The following SLC1A1 variants were observed in gnomAD, a reference collection of about 807,000 sequenced individuals.
SLC1A1 encodes the protein solute carrier family 1 member 1.
SLC1A1 carries 43 observed loss-of-function variants against 53.3 expected under a neutral mutation model. That is an observed-to-expected ratio of 0.81 (90% CI 0.63 to 1.04). The LOEUF (loss-of-function observed/expected upper bound fraction) is 1.04, where lower values mean the gene tolerates loss of function less well. Ranked by LOEUF, SLC1A1 falls within the 50% of genes least tolerant of loss-of-function variation. The pLI is 0.00. For missense variants in SLC1A1, 748 were observed against 664.9 expected, an observed-to-expected ratio of 1.12 and a Z score of -1.37; for synonymous variants, 307 against 243.2, an observed-to-expected ratio of 1.26 and a Z score of -2.44.
chr9:4,506,671 G>A (rs902164941), intron 1 of SLC1A1, among the ~76,000 whole-genome samples: 2 of 152,134 alleles, frequency 1.3e-5, no homozygotes, highest in African/African-American at 4.8e-5. Context: ...GTGAAAGACT[G>A]GACTTACTGC....
At chr9:4,574,132 G>A in intron 8 of SLC1A1, 118 bp downstream of exon 8, 1 of 763,952 alleles carries the variant, frequency 1.3e-6, no homozygotes, top group Non-Finnish European at 2.4e-6. Flanking sequence ...GGAAAGATAG[G>A]GTTCAGAGAT....
intron 1 of SLC1A1, among the ~76,000 whole-genome samples, chr9:4,496,534 TTTTG>T (rs1205767212): frequency 1.1e-4 from 17 of 150,722 alleles, no homozygotes; most frequent in Admixed American, 8.5e-4. Context: ...TTTGTTTTGT[TTTTG>T]TTTGTTTTTT....
At chr9:4,584,643 C>T (rs1301127722) in intron 11 of SLC1A1, among the ~76,000 whole-genome samples, 1 of 152,180 alleles carries the variant, frequency 6.6e-6, no homozygotes, top group Non-Finnish European at 1.5e-5. Flanking sequence ...CAAAATGGAT[C>T]CTCTCCTCTG....
At chr9:4,568,896 T>A (rs57024240) in intron 6 of SLC1A1, among the ~76,000 whole-genome samples, 189 of 152,210 alleles carry the variant, frequency 1.2e-3, no homozygotes, top group African/African-American at 4.0e-3. Flanking sequence ...AAGGTGTCTT[T>A]AAAAGAAACA....
intron 8 of SLC1A1, among the ~76,000 whole-genome samples, chr9:4,574,479 G>T (rs79150443): frequency 6.6e-6 from 1 of 152,138 alleles, no homozygotes; most frequent in African/African-American, 2.4e-5. Context: ...TGTTGCTGGG[G>T]CTGTTAACCA....
intron 1 of SLC1A1, among the ~76,000 whole-genome samples, chr9:4,532,492 G>T (rs1313638438): frequency 6.6e-6 from 1 of 152,152 alleles, no homozygotes; most frequent in Non-Finnish European, 1.5e-5. Flanking sequence ...ATGAAATGAA[G>T]TGAGAAGAGA....
At chr9:4,557,695 A>G (rs1818549238) in intron 2 of SLC1A1, among the ~76,000 whole-genome samples, 1 of 152,188 alleles carries the variant, frequency 6.6e-6, no homozygotes, top group Non-Finnish European at 1.5e-5. Context: ...GCCACTTTCC[A>G]AGTGCTTGCT....
At chr9:4,573,783 C>A in intron 7 of SLC1A1, 124 bp from the exon 8 acceptor site, 1 of 768,210 alleles carries the variant, frequency 1.3e-6, no homozygotes, top group Non-Finnish European at 2.4e-6. Flanking sequence ...AATTCCCATC[C>A]TGTGCTCCAC....
chr9:4,582,981 G>A, intron 10 of SLC1A1, 57 bp from the exon 11 acceptor site: 1 of 1,611,120 alleles, frequency 6.2e-7, no homozygotes, highest in Non-Finnish European at 8.5e-7. Flanking sequence ...TTTCAGGCCA[G>A]GGCTTTAACG....
chr9:4,507,548 GA>G (rs1353222058), intron 1 of SLC1A1, among the ~76,000 whole-genome samples: 1 of 152,184 alleles, frequency 6.6e-6, no homozygotes, highest in Non-Finnish European at 1.5e-5. Context: ...TGGGAGTGGG[GA>G]AAGTTACAAC....
In SLC1A1 at chr9:4,490,587, G is replaced by A. The variant is rs374187121; in HGVS notation, c.-93G>A. 6.9e-4 allele frequency: 681 copies of A among 988,692 alleles called. 13 individuals carry two copies. In the South Asian group the frequency reaches 9.0e-3, roughly 13 times the overall value. 61.2% of individuals were successfully genotyped at this position (988,692 alleles called of 1,614,324 possible). On this transcript the variant is annotated 5_prime_UTR_variant, in exon 1 of 12. Transcript: ENST00000262352. ...GCTCTCACCTCTCCCCTGTGCACCC[G>A]CATCTCGCCGCGCCGCCGAGCAGCC...
At chr9:4,498,181 G>T (rs1820505209) in intron 1 of SLC1A1, among the ~76,000 whole-genome samples, 1 of 152,218 alleles carries the variant, frequency 6.6e-6, no homozygotes, top group East Asian at 1.9e-4. Flanking sequence ...AAGGAGCTAA[G>T]GGGGTTCAAA....
At chr9:4,552,358 A>G (rs1448971424) in intron 2 of SLC1A1, among the ~76,000 whole-genome samples, 1 of 152,192 alleles carries the variant, frequency 6.6e-6, no homozygotes, top group African/African-American at 2.4e-5. Flanking sequence ...TTTTGAAGGA[A>G]GCATAGAAAT....
intron 2 of SLC1A1, chr9:4,554,380 G>T (rs1209650224): frequency 6.6e-6 from 1 of 152,210 alleles, no homozygotes; most frequent in Non-Finnish European, 1.5e-5. Flanking sequence ...CCTTCATGGA[G>T]CTTAAAACCT....
Position 4,585,441 on chromosome 9 carries a change from C to G in SLC1A1, c.1458C>G (p.Ala486=). Residue 486 remains alanine, a synonymous_variant, in exon 12 of 12, where the codon GCC becomes GCG. Transcript: ENST00000262352. ...SSEVNIVNPF[A]LESTILDNED... Reference sequence around the variant, plus strand: ...AAGTCAACATTGTGAATCCCTTTGCCTTGGAATCCACAATCCTTGACAACG... The same window carrying G: ...AAGTCAACATTGTGAATCCCTTTGCGTTGGAATCCACAATCCTTGACAACG... The G allele has an allele frequency of 6.2e-7, 1 of 1,614,178 alleles. No individual in the cohort carries two copies. The highest frequency in any genetic ancestry group is 8.5e-7 in the Non-Finnish European group (1 of 1,180,042).
At chr9:4,548,935 T>G (rs1338451939) in intron 2 of SLC1A1, among the ~76,000 whole-genome samples, 2 of 152,200 alleles carry the variant, frequency 1.3e-5, no homozygotes, top group African/African-American at 4.8e-5. Flanking sequence ...TGGGATCTGC[T>G]AACATTTAGG....
chr9:4,504,088 C>T (rs150308263), intron 1 of SLC1A1, among the ~76,000 whole-genome samples: 7 of 151,762 alleles, frequency 4.6e-5, no homozygotes, highest in Admixed American at 1.3e-4. Flanking sequence ...GACTGGAGAG[C>T]ATCTCTGTAC....
intron 1 of SLC1A1, among the ~76,000 whole-genome samples, chr9:4,520,057 C>T (rs1021348257): frequency 1.3e-5 from 2 of 152,192 alleles, no homozygotes; most frequent in Non-Finnish European, 2.9e-5. Flanking sequence ...GAAAATTAAG[C>T]TCTTAAGCAT....
At chr9:4,568,417 CAA>C (rs761098688) in intron 6 of SLC1A1, among the ~76,000 whole-genome samples, 63 of 105,626 alleles carry the variant, frequency 6.0e-4, no homozygotes, top group Non-Finnish European at 6.0e-4. Context: ...GACCCTGTCT[CAA>C]AAAAAAAAAA....
Sources: gnomAD v4.1 joint callset for allele counts (sites outside exome capture counted in the v4.1 genomes callset) on GRCh38, gnomAD v4.1.1 for gene constraint, MANE v1.5 for transcripts, NCBI Gene and HGNC (gene_info 2026-07-23, HGNC 2026-07-21) for gene names.